DYNC2I1: variants seen among roughly 807,000 people sequenced by gnomAD.
The protein encoded by DYNC2I1 is dynein 2 intermediate chain 1.
A neutral mutation model predicts 133.4 loss-of-function variants in DYNC2I1; 89 were observed. That is an observed-to-expected ratio of 0.67 (90% CI 0.56 to 0.80). The LOEUF (loss-of-function observed/expected upper bound fraction) is 0.80. DYNC2I1 is among the 30% of genes least tolerant of loss of function. The pLI is 0.00. For synonymous variants in DYNC2I1, 504 were observed against 484.3 expected, an observed-to-expected ratio of 1.04 and a Z score of -0.54; for missense variants, 1,291 against 1,314.5, an observed-to-expected ratio of 0.98 and a Z score of 0.28.
chr7:158,845,433 C>G, the DYNC2I1 span, among the ~76,000 whole-genome samples: 7 of 152,106 alleles, frequency 4.6e-5, no homozygotes, highest in African/African-American at 1.7e-4. Flanking sequence ...TTTTTGTTTG[C>G]ATTTATTGAT....
chr7:158,901,958 C>G (rs1306436836), intron 9 of DYNC2I1, 142 bp downstream of exon 9: 1 of 636,716 alleles, frequency 1.6e-6, no homozygotes, highest in Non-Finnish European at 2.6e-6. Flanking sequence ...TTAGGTCAAG[C>G]TGTTACCTGT....
At chr7:158,846,742 A>G in the DYNC2I1 span, among the ~76,000 whole-genome samples, 1 of 152,212 alleles carries the variant, frequency 6.6e-6, no homozygotes. Flanking sequence ...CAGAAGTACA[A>G]CTTCTACTGT....
At chr7:158,903,615 G>A (rs1846451261) in intron 10 of DYNC2I1, 1 of 152,200 alleles carries the variant, frequency 6.6e-6, no homozygotes, top group Admixed American at 6.5e-5. Context: ...ACCTGTCCTG[G>A]TAGAGGTAAG....
At chr7:158,888,761 C>T (rs773289949) in intron 7 of DYNC2I1, among the ~76,000 whole-genome samples, 36 of 152,256 alleles carry the variant, frequency 2.4e-4, no homozygotes, top group African/African-American at 7.0e-4. Context: ...TGAGCCACTG[C>T]GCTTGGCCTT....
chr7:158,853,835 T>C (rs1231817932), upstream of DYNC2I1, among the ~76,000 whole-genome samples: 1 of 151,894 alleles, frequency 6.6e-6, no homozygotes, highest in Non-Finnish European at 1.5e-5. Flanking sequence ...GTATTTTTAG[T>C]AGAGACGGGC....
intron 23 of DYNC2I1, among the ~76,000 whole-genome samples, chr7:158,935,855 C>T (rs775375558): frequency 2.6e-5 from 4 of 152,136 alleles, no homozygotes; most frequent in East Asian, 1.9e-4. Flanking sequence ...CACCTGAGGT[C>T]GGGAGTTCAA....
chr7:158,926,191 A>T lies in DYNC2I1; in HGVS notation c.2262A>T (p.Gly754=). ...TFRTATFSTD[G]ILTSVNHRSP... The stretch of plus-strand genomic sequence containing the variant: ...CTGTGGGCTTTTGAACTCCAGATGG[A>T]ATCCTTACCTCAGTAAACCACCGAA... The change falls in exon 18 of 25, where the codon GGA becomes GGT. Residue 754 remains glycine (G), a synonymous_variant. Coordinates refer to ENST00000407559, the MANE Select transcript of DYNC2I1 (RefSeq NM_018051.5). 1 of 1,612,320 alleles carries T rather than the reference A, an allele frequency of 6.2e-7. No individual in the cohort carries two copies. The highest frequency in any genetic ancestry group is 8.5e-7 in the Non-Finnish European group (1 of 1,179,162).
intron 21 of DYNC2I1, among the ~76,000 whole-genome samples, chr7:158,931,291 C>T (rs908393464): frequency 2.6e-5 from 4 of 152,146 alleles, no homozygotes; most frequent in Non-Finnish European, 4.4e-5. Context: ...TTGTCATTTA[C>T]TGCACTCAGG....
In DYNC2I1 at chr7:158,891,202, C is replaced by T. The variant is rs536201852; in HGVS notation, c.991-63C>T. The stretch of plus-strand genomic sequence containing the variant: ...GCAGTGGTGGGGTGGGGGGGAGCTG[C>T]GTGGCGTGTGCCCTGGAGTCCCACC... On this transcript the variant is annotated intron_variant, in intron 7 of 24. Transcript: ENST00000407559. 1.3e-5 allele frequency: 20 copies of T among 1,579,074 alleles called. No individual in the cohort carries two copies. In the Middle Eastern group the frequency reaches 5.5e-4, roughly 43 times the overall value.
downstream of DYNC2I1, among the ~76,000 whole-genome samples, chr7:158,950,923 G>T (rs557585917): frequency 4.6e-5 from 7 of 152,120 alleles, no homozygotes; most frequent in African/African-American, 1.4e-4. Flanking sequence ...TTCCAGGTGT[G>T]ATATACTGCA....
chr7:158,958,148 C>T (rs1393093768), downstream of DYNC2I1, among the ~76,000 whole-genome samples: 4 of 151,020 alleles, frequency 2.6e-5, no homozygotes, highest in East Asian at 7.7e-4. Flanking sequence ...CGCCCCAGGT[C>T]GTGGAGAGGG....
At chr7:158,914,929 A>G (rs1847872600) in intron 14 of DYNC2I1, among the ~76,000 whole-genome samples, 1 of 152,256 alleles carries the variant, frequency 6.6e-6, no homozygotes, top group South Asian at 2.1e-4. Flanking sequence ...AATAACTTAT[A>G]ATGCAGTCAG....
intron 20 of DYNC2I1, among the ~76,000 whole-genome samples, 162 bp downstream of exon 20, chr7:158,927,205 C>G (rs906296325): frequency 6.6e-6 from 1 of 151,764 alleles, no homozygotes; most frequent in African/African-American, 2.4e-5. Flanking sequence ...AGTTCCAGAC[C>G]AGCCTGGACA....
chr7:158,853,962 T>C (rs1382341778), upstream of DYNC2I1, among the ~76,000 whole-genome samples: 1 of 150,440 alleles, frequency 6.6e-6, no homozygotes, highest in Non-Finnish European at 1.5e-5. Context: ...GGAGTTTTAT[T>C]ATTGCTCAAA....
the DYNC2I1 span, among the ~76,000 whole-genome samples, chr7:158,847,835 A>G: frequency 7.9e-5 from 12 of 152,206 alleles, no homozygotes; most frequent in African/African-American, 2.7e-4. Flanking sequence ...CTAAGAAGAC[A>G]GTCAGTGTGG....
At chr7:158,844,029 G>A in the DYNC2I1 span, among the ~76,000 whole-genome samples, 1 of 152,196 alleles carries the variant, frequency 6.6e-6, no homozygotes, top group Non-Finnish European at 1.5e-5. Flanking sequence ...AGTCAATCAT[G>A]CATTCTTCTC....
chr7:158,915,648 G>A (rs1430784203), intron 14 of DYNC2I1, among the ~76,000 whole-genome samples: 6 of 130,548 alleles, frequency 4.6e-5, no homozygotes, highest in Admixed American at 1.5e-4. Context: ...GTGAAACCTC[G>A]ACACGGTGGT....
At chr7:158,870,209 TGAGA>T (rs1351259965) in intron 2 of DYNC2I1, among the ~76,000 whole-genome samples, 3 of 152,156 alleles carry the variant, frequency 2.0e-5, no homozygotes, top group Admixed American at 6.6e-5. Context: ...GCTTTGGGAT[TGAGA>T]GAGAGTCCTG....
chr7:158,863,168 C>T (rs7776676), intron 1 of DYNC2I1, among the ~76,000 whole-genome samples: 26,032 of 151,684 alleles, frequency 0.17, 2,813 homozygotes, highest in East Asian at 0.48. Flanking sequence ...GCCCTGCCCA[C>T]ATCGTGGTGC....
Sources: allele counts gnomAD v4.1 joint callset (sites outside exome capture counted in the v4.1 genomes callset), GRCh38; gene constraint gnomAD v4.1.1; transcripts MANE v1.5; gene names NCBI Gene and HGNC (gene_info 2026-07-23, HGNC 2026-07-21).